Variants in UBR3 observed in about 807,000 individuals in gnomAD.
The protein encoded by UBR3 is ubiquitin protein ligase E3 component n-recognin 3.
A neutral mutation model predicts 243.2 loss-of-function variants in UBR3; 85 were observed. The ratio of observed to expected loss-of-function variants is 0.35; its 90% CI spans 0.29 to 0.42. UBR3 has a LOEUF of 0.42. UBR3 is among the 10% of genes least tolerant of loss of function. UBR3 has a pLI of 1.00. For synonymous variants in UBR3, 748 were observed against 799.8 expected (o/e 0.94, Z 1.09); for missense variants, 1,686 against 2,300.8 (o/e 0.73, Z 5.47).
intron 32 of UBR3, among the ~76,000 whole-genome samples, chr2:170,049,946 G>T (rs2091178224): frequency 6.6e-6 from 1 of 152,102 alleles, no homozygotes; most frequent in African/African-American, 2.4e-5. Flanking sequence ...TAAAATTCAA[G>T]AAAGCTATTA....
intron 19 of UBR3, among the ~76,000 whole-genome samples, chr2:169,938,714 C>G (rs1025994710): frequency 6.6e-5 from 10 of 151,840 alleles, no homozygotes; most frequent in African/African-American, 2.2e-4. Context: ...CTTCTGTTGC[C>G]TAAATCAAGG....
intron 19 of UBR3, among the ~76,000 whole-genome samples, chr2:169,933,985 T>C (rs1490362872): frequency 6.6e-6 from 1 of 152,216 alleles, no homozygotes; most frequent in Non-Finnish European, 1.5e-5. Flanking sequence ...CTTTCTCTGG[T>C]TTCTTAACTC....
chr2:170,022,605 A>G (rs2090420022), intron 30 of UBR3, among the ~76,000 whole-genome samples: 1 of 152,158 alleles, frequency 6.6e-6, no homozygotes, highest in African/African-American at 2.4e-5. Context: ...AGTGAGGATG[A>G]TGGTACTTAT....
intron 5 of UBR3, among the ~76,000 whole-genome samples, chr2:169,881,974 ATAT>A (rs201121266): frequency 0.29 from 34,423 of 116,790 alleles, 5,857 homozygotes; most frequent in Non-Finnish European, 0.4. Flanking sequence ...ATATGTAATT[ATAT>A]TATATATGTA....
At chr2:169,829,302 C>G (rs1001856679) in intron 1 of UBR3, among the ~76,000 whole-genome samples, 4 of 151,962 alleles carry the variant, frequency 2.6e-5, no homozygotes, top group Non-Finnish European at 5.9e-5. Context: ...TAAACAATAA[C>G]TTGGTAGCTA....
At chr2:169,998,096 TTGTC>T (rs2089563939) in intron 26 of UBR3, among the ~76,000 whole-genome samples, 1 of 152,112 alleles carries the variant, frequency 6.6e-6, no homozygotes, top group Non-Finnish European at 1.5e-5. Context: ...GTCTAGGAAT[TTGTC>T]TGTCTCCTGC....
At chr2:169,888,729 T>C (rs1282070119) in intron 5 of UBR3, among the ~76,000 whole-genome samples, 1 of 152,230 alleles carries the variant, frequency 6.6e-6, no homozygotes, top group Non-Finnish European at 1.5e-5. Flanking sequence ...TGACATATTT[T>C]CCCTATTTTA....
At chr2:169,974,339 C>A (rs2088321804) in intron 24 of UBR3, among the ~76,000 whole-genome samples, 1 of 152,082 alleles carries the variant, frequency 6.6e-6, no homozygotes, top group African/African-American at 2.4e-5. Context: ...GATTCAATCT[C>A]ATTACTCAAT....
In UBR3 at chr2:169,949,971, C is replaced by T. The variant is rs35266383; in HGVS notation, c.3451C>T (p.Arg1151Cys). 1.0e-3 allele frequency: 1,681 copies of T among 1,613,646 alleles called. 1 individual carries two copies. The highest frequency in any genetic ancestry group is 1.1e-3 in the Non-Finnish European group (1,246 of 1,179,722). The change falls in exon 23 of 39, where the codon CGC becomes TGC. Residue 1151 changes from arginine to cysteine, a missense_variant. Physicochemically the swap from Arg to Cys is radical, Grantham distance 180. This residue lies in a region of UBR3 where 300 missense variants were observed against 314.4 expected (regional missense o/e 0.95). Coordinates refer to ENST00000272793, the MANE Select transcript of UBR3 (RefSeq NM_172070.4). Reference sequence around the variant, plus strand: ...TGCATCGCAAAGTAGAATGAACAAACGCATCATTGAAGAGATATGTAGAAA... The same window carrying T: ...TGCATCGCAAAGTAGAATGAACAAATGCATCATTGAAGAGATATGTAGAAA... Reference protein sequence around the residue: ...KAASQSRMNKRIIEEICRKVT... With the variant: ...KAASQSRMNKCIIEEICRKVT...
intron 33 of UBR3, among the ~76,000 whole-genome samples, chr2:170,057,340 A>G (rs2091357661): frequency 6.6e-6 from 1 of 152,182 alleles, no homozygotes; most frequent in South Asian, 2.1e-4. Flanking sequence ...CTGGTCTTGA[A>G]TTCCTGGACT....
At chr2:169,890,318 C>G (rs910496879) in intron 5 of UBR3, among the ~76,000 whole-genome samples, 1 of 151,806 alleles carries the variant, frequency 6.6e-6, no homozygotes, top group Non-Finnish European at 1.5e-5. Context: ...GGCTGGCTTT[C>G]TTTACTCTGT....
chr2:169,827,513 G>A lies in UBR3; in HGVS notation c.6G>A (p.Ala2=). The part of the protein sequence containing the change: M[A]AAAAAAVGGQ... ...CCAAATTCTGAGCTCTCATCATGGC[G>A]GCGGCGGCCGCGGCGGCCGTCGGGG... Residue 2 remains alanine (A), a synonymous_variant, in exon 1 of 39, where the codon GCG becomes GCA. Coordinates refer to ENST00000272793, the MANE Select transcript of UBR3 (RefSeq NM_172070.4). 1 of 1,229,744 alleles carries A rather than the reference G, an allele frequency of 8.1e-7. No individual in the cohort carries two copies. The highest frequency in any genetic ancestry group is 1.0e-6 in the Non-Finnish European group (1 of 987,360). The allele number at this position is 1,229,744 out of a possible 1,614,324, so 76.2% of individuals were successfully genotyped here. A position where few individuals can be genotyped will look rare whatever the true frequency, so the allele number is the denominator to read the frequency against.
intron 22 of UBR3, 198 bp downstream of exon 22, chr2:169,947,913 A>T (rs2105360211): frequency 2.0e-6 from 2 of 985,206 alleles, no homozygotes; most frequent in South Asian, 9.4e-5. Flanking sequence ...AGAGTTCACG[A>T]CGGCCTAAAG....
intron 26 of UBR3, among the ~76,000 whole-genome samples, chr2:169,995,408 C>T (rs988399723): frequency 7.9e-5 from 12 of 152,064 alleles, no homozygotes; most frequent in Non-Finnish European, 4.4e-5. Context: ...TTCAGTGTTT[C>T]GTATTAGAAA....
chr2:169,941,621 A>G (rs2086591392), intron 19 of UBR3, among the ~76,000 whole-genome samples: 2 of 152,166 alleles, frequency 1.3e-5, no homozygotes, highest in African/African-American at 4.8e-5. Context: ...GCTGTAATCT[A>G]TTATCACTTA....
chr2:170,058,073 A>G (rs1409737494), intron 33 of UBR3, among the ~76,000 whole-genome samples: 1 of 152,184 alleles, frequency 6.6e-6, no homozygotes, highest in Non-Finnish European at 1.5e-5. Flanking sequence ...GGAGACAACC[A>G]TATTTATGAG....
chr2:169,904,277 G>A (rs996017522), intron 8 of UBR3, among the ~76,000 whole-genome samples: 1 of 152,212 alleles, frequency 6.6e-6, no homozygotes, highest in East Asian at 1.9e-4. Context: ...CAATTAGCAT[G>A]AATAGAAACA....
At chr2:170,079,773 A>C (rs753141475) in intron 36 of UBR3, 41 bp from the exon 37 acceptor site, 1 of 1,530,976 alleles carries the variant, frequency 6.5e-7, no homozygotes, top group Admixed American at 2.0e-5. Flanking sequence ...TTAGTGACTT[A>C]AATACATAAA....
chr2:169,842,183 C>T (rs927871543), intron 1 of UBR3, among the ~76,000 whole-genome samples: 2 of 150,792 alleles, frequency 1.3e-5, no homozygotes, highest in African/African-American at 2.4e-5. Flanking sequence ...CAATCAGCAC[C>T]CTGTGTTTAG....
Sources: gnomAD v4.1 joint callset for allele counts (sites outside exome capture counted in the v4.1 genomes callset) on GRCh38, gnomAD v4.1.1 for gene constraint, gnomAD v4.1.1 regional missense constraint, MANE v1.5 for transcripts, NCBI Gene and HGNC (gene_info 2026-07-23, HGNC 2026-07-21) for gene names.